ZNF442: variants seen among roughly 807,000 people sequenced by gnomAD.
The protein encoded by ZNF442 is zinc finger protein 442.
Under a neutral mutation model 57.0 loss-of-function variants are expected in ZNF442, and 45 were observed. The ratio of observed to expected loss-of-function variants is 0.79; its 90% confidence interval spans 0.62 to 1.01. The LOEUF (loss-of-function observed/expected upper bound fraction) is 1.01, where lower values mean the gene tolerates loss of function less well. ZNF442 is among the 50% of genes least tolerant of loss of function. ZNF442 has a pLI of 0.00. For synonymous variants in ZNF442, 213 were observed against 241.8 expected (o/e 0.88, Z 1.10); for missense variants, 690 against 756.5 (o/e 0.91, Z 1.03).
chr19:12,369,533 G>C (rs1017789964), upstream of ZNF442, among the ~76,000 whole-genome samples: 1 of 150,992 alleles, frequency 6.6e-6, no homozygotes, highest in African/African-American at 2.4e-5. Context: ...CAAGAGAATC[G>C]CTTGAACCCA....
At position 12,350,301 on chromosome 19, in the gene ZNF442, A is replaced by G; in HGVS notation, c.1284T>C (p.Thr428=). Residue 428 remains threonine (T), a synonymous_variant, in exon 6 of 6, where the codon ACT becomes ACC. Transcript: ENST00000242804. Reference sequence around the variant, plus strand: ...CTTTACATTCATAGGGTTTCTCACCAGTATGAGTCCTTTCATGTCCTTGAA... The same window carrying G: ...CTTTACATTCATAGGGTTTCTCACCGGTATGAGTCCTTTCATGTCCTTGAA... ...SVFQGHERTH[T]GEKPYECKEC... 1 of 1,613,880 alleles carries G rather than the reference A, an allele frequency of 6.2e-7. No homozygotes were observed. Among genetic ancestry groups the G allele is most frequent in the South Asian group, 1.1e-5 (1 of 91,078 alleles).
chr19:12,369,389 CGGGT>C (rs1245531118), upstream of ZNF442, among the ~76,000 whole-genome samples: 4 of 152,246 alleles, frequency 2.6e-5, no homozygotes, highest in South Asian at 2.1e-4. Context: ...GAGGCCGAGG[CGGGT>C]GGATCACCTG....
the ZNF442 span, among the ~76,000 whole-genome samples, chr19:12,372,985 G>A: frequency 1.3e-5 from 2 of 152,188 alleles, no homozygotes; most frequent in Non-Finnish European, 2.9e-5. Flanking sequence ...TGTTGGCCAG[G>A]ATGGTCTTGA....
intron 3 of ZNF442, among the ~76,000 whole-genome samples, chr19:12,354,980 GA>G (rs896364120): frequency 1.3e-5 from 2 of 151,584 alleles, no homozygotes; most frequent in Non-Finnish European, 2.9e-5. Context: ...GATTAAATGA[GA>G]AAAAAAATAC....
At chr19:12,367,313 G>A (rs1386976320), upstream of ZNF442, among the ~76,000 whole-genome samples, 1 of 152,200 alleles carries the variant, frequency 6.6e-6, no homozygotes, top group African/African-American at 2.4e-5. Flanking sequence ...GATTCTAATA[G>A]GGGAGGGGGT....
At chr19:12,361,931 G>A (rs1969435073) in intron 3 of ZNF442, among the ~76,000 whole-genome samples, 1 of 152,176 alleles carries the variant, frequency 6.6e-6, no homozygotes, top group Non-Finnish European at 1.5e-5. Flanking sequence ...CGTGTTGGCC[G>A]GGCTGGTCTC....
At chr19:12,356,740 A>G (rs1427517002) in intron 3 of ZNF442, among the ~76,000 whole-genome samples, 1 of 152,170 alleles carries the variant, frequency 6.6e-6, no homozygotes, top group Non-Finnish European at 1.5e-5. Context: ...AAAGAAAAAA[A>G]TGCTCAACAC....
Position 12,363,677 on chromosome 19 carries a change from G to T in ZNF442, c.-40-6C>A. Reference sequence around the variant, plus strand: ...GTGTCCCCAAGGAATGGAAACTGGGGTTGGGGAAGAACAAGGTGATTGTCC... The same window carrying T: ...GTGTCCCCAAGGAATGGAAACTGGGTTTGGGGAAGAACAAGGTGATTGTCC... On this transcript the variant is annotated splice_polypyrimidine_tract_variant and splice_region_variant and intron_variant, in intron 2 of 5. Transcript: ENST00000242804. 6.4e-7 allele frequency: 1 copy of T among 1,562,296 alleles called. No individual in the cohort carries two copies. The highest frequency in any genetic ancestry group is 8.8e-7 in the Non-Finnish European group (1 of 1,132,998).
At chr19:12,357,942 G>A (rs150974887) in intron 3 of ZNF442, among the ~76,000 whole-genome samples, 18 of 150,856 alleles carry the variant, frequency 1.2e-4, no homozygotes, top group Non-Finnish European at 2.1e-4. Context: ...TTATTTACAC[G>A]TGGGAGGTAT....
Position 12,346,219 on chromosome 19 carries a change from A to T in ZNF442, c.*3482T>A, listed in dbSNP as rs970656359. 6.6e-6 allele frequency: 1 copy of T among 152,160 alleles called. No individual in the cohort carries two copies. The highest frequency in any genetic ancestry group is 1.5e-5 in the Non-Finnish European group (1 of 68,026). 9.4% of individuals were successfully genotyped at this position (152,160 alleles called of 1,614,324 possible). A position where few individuals can be genotyped will look rare whatever the true frequency, so the allele number is the denominator to read the frequency against. On this transcript the variant is annotated 3_prime_UTR_variant, in exon 6 of 6. Transcript: ENST00000242804. ...ATTTTCTAAATATTAAAAACTAAAAATTTTAAATAAGAATTCCTATAACTC... is the reference window on the plus strand; with the variant it reads ...ATTTTCTAAATATTAAAAACTAAAATTTTTAAATAAGAATTCCTATAACTC...
rs10414971 is a variant in ZNF442, at chr19:12,351,131, G to A, written c.454C>T (p.Pro152Ser). The A allele has an allele frequency of 1.4e-3, 2,231 of 1,614,082 alleles. 29 individuals are homozygous for A. In the African/African-American group the frequency reaches 0.027, roughly 19 times the overall value. Residue 152 changes from proline (P) to serine (S), a missense_variant, in exon 6 of 6, where the codon CCA becomes TCA. Pro to Ser is a moderately conservative substitution (Grantham distance 74). Transcript: ENST00000242804. ...PDECQEYGEKPHTHKQCGTAF... is the reference protein window; with the variant it reads ...PDECQEYGEKSHTHKQCGTAF... ...GTCCCACATTGTTTATGTGTATGTG[G>A]CTTCTCTCCATATTCCTGACACTCA...
intron 3 of ZNF442, among the ~76,000 whole-genome samples, chr19:12,362,694 C>T (rs1969455867): frequency 1.3e-5 from 2 of 151,150 alleles, no homozygotes; most frequent in Admixed American, 1.3e-4. Flanking sequence ...CCGGCCGCCA[C>T]CCCGTCTGGG....
At chr19:12,369,174 G>A (rs1264870358), upstream of ZNF442, among the ~76,000 whole-genome samples, 1 of 152,066 alleles carries the variant, frequency 6.6e-6, no homozygotes, top group Non-Finnish European at 1.5e-5. Flanking sequence ...GTCAGAGTCA[G>A]CTCTTGCTCC....
intron 3 of ZNF442, among the ~76,000 whole-genome samples, chr19:12,361,715 GTCTCCCTCTCCC>G (rs144978244): frequency 8.8e-4 from 115 of 130,728 alleles, no homozygotes; most frequent in Admixed American, 2.0e-3. Flanking sequence ...TGTCCCCACG[GTCTCCCTCTCCC>G]TCTCCCTCTC....
chr19:12,367,950 GAGCCACCAC>G (rs1167409176), upstream of ZNF442, among the ~76,000 whole-genome samples: 2 of 152,198 alleles, frequency 1.3e-5, no homozygotes, highest in African/African-American at 2.4e-5. Flanking sequence ...TTACAGGCAT[GAGCCACCAC>G]ACCTGGAAGG....
Position 12,346,746 on chromosome 19 carries a change from G to A in ZNF442, c.*2955C>T, listed in dbSNP as rs563911368. 6.6e-6 allele frequency: 1 copy of A among 152,218 alleles called. No individual in the cohort carries two copies. The highest frequency in any genetic ancestry group is 2.4e-5 in the African/African-American group (1 of 41,446). 9.4% of individuals were successfully genotyped at this position (152,218 alleles called of 1,614,324 possible). ...AAACAAAGTATGCTTTAACCATACA[G>A]TGGAAATTTATTCAGACACAAAAAC... On this transcript the variant is annotated 3_prime_UTR_variant, in exon 6 of 6. Coordinates refer to ENST00000242804, the MANE Select transcript of ZNF442 (RefSeq NM_030824.3).
At chr19:12,354,754 C>T (rs1259417938) in intron 3 of ZNF442, among the ~76,000 whole-genome samples, 1 of 152,162 alleles carries the variant, frequency 6.6e-6, no homozygotes, top group African/African-American at 2.4e-5. Context: ...TATGATGATT[C>T]ATTTCAACTT....
chr19:12,363,461 G>T, intron 3 of ZNF442, 93 bp downstream of exon 3: 1 of 1,235,206 alleles, frequency 8.1e-7, no homozygotes, highest in Non-Finnish European at 1.2e-6. Context: ...CACCCCAGGA[G>T]ATACTTCACT....
the ZNF442 span, among the ~76,000 whole-genome samples, chr19:12,371,239 G>GA: frequency 6.6e-6 from 1 of 151,706 alleles, no homozygotes; most frequent in Non-Finnish European, 1.5e-5. Context: ...TGAAAAACAA[G>GA]AAAAAAAAGA....
Sources: allele counts gnomAD v4.1 joint callset (sites outside exome capture counted in the v4.1 genomes callset), GRCh38; gene constraint gnomAD v4.1.1; transcripts MANE v1.5; gene names NCBI Gene and HGNC (gene_info 2026-07-23, HGNC 2026-07-21).